DSCAM: variants seen among roughly 807,000 people sequenced by gnomAD.
DSCAM encodes the protein cell adhesion molecule DSCAM.
A neutral mutation model predicts 217.7 loss-of-function variants in DSCAM; 47 were observed. That is an observed-to-expected ratio of 0.22 (90% confidence interval 0.17 to 0.28). The LOEUF is 0.28. Ranked by LOEUF, DSCAM falls within the 10% of genes least tolerant of loss-of-function variation. The probability of loss-of-function intolerance (pLI) is 1.00; values close to 1 mark genes in which losing one functional copy is unlikely to be tolerated. For synonymous variants in DSCAM, 1,056 were observed against 1,015.3 expected, an observed-to-expected ratio of 1.04 and a Z score of -0.76; for missense variants, 2,080 against 2,618.3, an observed-to-expected ratio of 0.79 and a Z score of 4.49.
At position 40,215,213 on chromosome 21, in the gene DSCAM, G is replaced by A. The variant is rs111724350; in HGVS notation, c.2357-25975C>T. On this transcript the variant is annotated intron_variant, in intron 11 of 32. Coordinates refer to ENST00000400454, the MANE Select transcript of DSCAM (RefSeq NM_001389.5). ...CGCAGTCCGGCCTGGGCGACAGAGC[G>A]AGACTCCGTCTCAAAAAAAAAAAAA... Among the ~76,000 whole-genome samples, 34 of 20,872 alleles carry A rather than the reference G, an allele frequency of 1.6e-3. 3 individuals carry two copies. Among genetic ancestry groups the A allele is most frequent in the African/African-American group, 4.3e-3 (32 of 7,488 alleles). The allele number at this position is 20,872 out of a possible 152,430, so 13.7% of individuals were successfully genotyped here.
chr21:40,465,952 A>G (rs1360562794), intron 3 of DSCAM, among the ~76,000 whole-genome samples: 1 of 152,200 alleles, frequency 6.6e-6, no homozygotes, highest in Non-Finnish European at 1.5e-5. Context: ...GCATAGAAAT[A>G]AGAGTAGCAT....
chr21:40,709,537 T>C (rs943686857), intron 1 of DSCAM, among the ~76,000 whole-genome samples: 2 of 152,118 alleles, frequency 1.3e-5, no homozygotes, highest in Admixed American at 6.5e-5. Context: ...CCCCTCCCTG[T>C]GTCCACGTGT....
chr21:40,237,674 T>A (rs201804341), intron 11 of DSCAM, among the ~76,000 whole-genome samples: 2 of 152,260 alleles, frequency 1.3e-5, no homozygotes, highest in East Asian at 3.8e-4. Context: ...GCAATAAACA[T>A]ACATGTGCAT....
chr21:40,052,026 A>G lies in DSCAM; in HGVS notation c.5117T>C (p.Val1706Ala), dbSNP rs900479365. 1.2e-6 allele frequency: 2 copies of G among 1,614,172 alleles called. No individual in the cohort carries two copies. Among genetic ancestry groups the G allele is most frequent in the African/African-American group, 2.7e-5 (2 of 75,036 alleles). The change falls in exon 30 of 33, where the codon GTC (valine) becomes GCC (alanine). Residue 1706 changes from valine to alanine, a missense_variant. Around this residue, in one of 5 missense-constraint regions of DSCAM, gnomAD observed 1,144 missense variants for 1,421.1 expected, o/e 0.81. Transcript: ENST00000400454. ...GGCCTGAGACACCGATTGGTAATGGACCGTGTGAGTGACCGTCAGGGACTT... is the reference window on the plus strand; with the variant it reads ...GGCCTGAGACACCGATTGGTAATGGGCCGTGTGAGTGACCGTCAGGGACTT... ...KQKSLTVTHT[V>A]HYQSVSQATG...
chr21:40,093,966 C>A, intron 20 of DSCAM, 92 bp from the exon 21 acceptor site: 3 of 1,367,996 alleles, frequency 2.2e-6, no homozygotes, highest in African/African-American at 1.5e-5. Flanking sequence ...TATTAAATAT[C>A]ATAACAAAAA....
chr21:40,603,682 A>G lies in DSCAM; in HGVS notation c.508+89128T>C, dbSNP rs2077079639. Among the ~76,000 whole-genome samples the G allele has an allele frequency of 2.0e-5, 3 of 152,142 alleles. No individual in the cohort carries two copies. In the South Asian group the frequency reaches 6.2e-4, roughly 32 times the overall value. On this transcript the variant is annotated intron_variant, in intron 3 of 32. Coordinates refer to ENST00000400454, the MANE Select transcript of DSCAM (RefSeq NM_001389.5). ...CTTCACTTTTGAAGAAACATTATGT[A>G]GACAGAGAATTCTATCTTGGTGGGT...
rs969176320 is a variant in DSCAM at position 40,013,084 on chromosome 21, C to A, written c.5989G>T (p.Gly1997Cys). ...SSQESLLDSR[G>C]HLKGNNPYAK... Reference sequence around the variant, plus strand: ...TAAGGATTGTTTCCTTTCAAATGGCCCCGGGAGTCGAGCAGTGATTCTTGG... The same window carrying A: ...TAAGGATTGTTTCCTTTCAAATGGCACCGGGAGTCGAGCAGTGATTCTTGG... Residue 1997 changes from glycine to cysteine, a missense_variant, in exon 33 of 33, where the codon GGC (glycine) becomes TGC (cysteine). Transcript: ENST00000400454. 6.3e-7 allele frequency: 1 copy of A among 1,578,578 alleles called. No homozygotes were observed. The highest frequency in any genetic ancestry group is 8.6e-7 in the Non-Finnish European group (1 of 1,159,766).
At chr21:40,824,502 C>CA (rs2091953081) in intron 1 of DSCAM, among the ~76,000 whole-genome samples, 1 of 149,800 alleles carries the variant, frequency 6.7e-6, no homozygotes, top group Non-Finnish European at 1.5e-5. Flanking sequence ...CTCAACCTTC[C>CA]AGGCTCAAGC....
intron 10 of DSCAM, among the ~76,000 whole-genome samples, chr21:40,290,701 T>A (rs1422984319): frequency 2.6e-5 from 4 of 152,210 alleles, no homozygotes; most frequent in South Asian, 4.1e-4. Flanking sequence ...AAGTTCCTTC[T>A]ACAGGGAAAT....
At chr21:40,169,872 T>A (rs1264924509) in intron 15 of DSCAM, among the ~76,000 whole-genome samples, 1 of 152,072 alleles carries the variant, frequency 6.6e-6, no homozygotes, top group Non-Finnish European at 1.5e-5. Flanking sequence ...TTCTCCACCA[T>A]CGTCCTTATG....
chr21:40,778,771 T>C (rs1054196640), intron 1 of DSCAM, among the ~76,000 whole-genome samples: 10 of 152,078 alleles, frequency 6.6e-5, no homozygotes, highest in African/African-American at 2.4e-4. Context: ...ATGCCTGTAA[T>C]CCCAGCACTT....
chr21:40,656,633 A>C (rs1046257199), intron 3 of DSCAM, among the ~76,000 whole-genome samples: 1 of 152,228 alleles, frequency 6.6e-6, no homozygotes, highest in Admixed American at 6.5e-5. Flanking sequence ...TCACCGTTGC[A>C]GAAGCTTCCA....
At chr21:40,271,736 C>G (rs370833069) in intron 11 of DSCAM, among the ~76,000 whole-genome samples, 1 of 152,170 alleles carries the variant, frequency 6.6e-6, no homozygotes, top group Admixed American at 6.5e-5. Context: ...TCCTGGTGAG[C>G]TGTTAAAGCT....
intron 3 of DSCAM, among the ~76,000 whole-genome samples, chr21:40,379,566 T>A (rs963315668): frequency 6.6e-6 from 1 of 151,474 alleles, no homozygotes; most frequent in Admixed American, 6.6e-5. Flanking sequence ...ATGTAGCTGA[T>A]CTCTGTCTCT....
intron 8 of DSCAM, among the ~76,000 whole-genome samples, chr21:40,318,346 AAAAAG>A (rs1222465130): frequency 6.6e-6 from 1 of 152,110 alleles, no homozygotes; most frequent in African/African-American, 2.4e-5. Context: ...TAAAAAAAAA[AAAAAG>A]AATGACTTAG....
intron 19 of DSCAM, among the ~76,000 whole-genome samples, chr21:40,132,405 G>A (rs906714728): frequency 6.6e-6 from 1 of 152,170 alleles, no homozygotes; most frequent in Non-Finnish European, 1.5e-5. Context: ...ACTTATGGCT[G>A]CCTTCACTCA....
rs1011956220 is a variant in DSCAM at position 40,456,094 on chromosome 21, TAAAAG to T, written c.509-86854_509-86850del. On this transcript the variant is annotated intron_variant, in intron 3 of 32. Coordinates refer to ENST00000400454, the MANE Select transcript of DSCAM (RefSeq NM_001389.5). ...CCTAAAACTTAAAGTATAATAATAA[TAAAAG>T]AAAAGAAAAAGAAAAAAGTATTAAA... Among the ~76,000 whole-genome samples, 87 of 151,664 alleles carry T rather than the reference TAAAAG, an allele frequency of 5.7e-4. 1 individual carries two copies. Among genetic ancestry groups the T allele is most frequent in the South Asian group, 1.2e-3 (6 of 4,824 alleles).
intron 1 of DSCAM, among the ~76,000 whole-genome samples, chr21:40,792,376 G>A (rs2091654108): frequency 6.6e-6 from 1 of 151,936 alleles, no homozygotes; most frequent in South Asian, 2.1e-4. Flanking sequence ...CTAACCTCAG[G>A]TGATCCACCT....
At chr21:40,095,917 A>G (rs1044068056) in intron 20 of DSCAM, among the ~76,000 whole-genome samples, 9 of 152,242 alleles carry the variant, frequency 5.9e-5, no homozygotes, top group Admixed American at 2.0e-4. Context: ...ACTATAATGC[A>G]TGAAATAAAA....
Sources: gnomAD v4.1 joint callset for allele counts (sites outside exome capture counted in the v4.1 genomes callset) on GRCh38, gnomAD v4.1.1 for gene constraint, gnomAD v4.1.1 regional missense constraint, MANE v1.5 for transcripts, NCBI Gene and HGNC (gene_info 2026-07-23, HGNC 2026-07-21) for gene names.